Variants in LMNA observed in about 807,000 individuals in gnomAD.
The protein encoded by LMNA is lamin.
LMNA carries 20 observed loss-of-function variants against 70.4 expected under a neutral mutation model. The ratio of observed to expected loss-of-function variants is 0.28; its 90% CI spans 0.20 to 0.41. The LOEUF (loss-of-function observed/expected upper bound fraction) is 0.41. LMNA is among the 10% of genes least tolerant of loss of function. The probability of loss-of-function intolerance (pLI) is 1.00; values close to 1 mark genes in which losing one functional copy is unlikely to be tolerated. For missense variants in LMNA, 652 were observed against 917.2 expected (o/e 0.71, Z 3.73); for synonymous variants, 339 against 372.8 (o/e 0.91, Z 1.04).
At chr1:156,126,163 A>G (rs771030948) in intron 1 of LMNA, 2 of 1,518,286 alleles carry the variant, frequency 1.3e-6, no homozygotes, top group South Asian at 1.2e-5. Flanking sequence ...GGGCTGGGAG[A>G]CCCTCTGCTC....
intron 1 of LMNA, among the ~76,000 whole-genome samples, chr1:156,129,669 G>C (rs1650875807): frequency 6.6e-6 from 1 of 152,168 alleles, no homozygotes; most frequent in South Asian, 2.1e-4. Flanking sequence ...CATCTAGAAA[G>C]TTCTTGGGTT....
At chr1:156,096,246 T>C (rs2102794773) in intron 3 of LMNA, among the ~76,000 whole-genome samples, 1 of 152,300 alleles carries the variant, frequency 6.6e-6, no homozygotes, top group Non-Finnish European at 1.5e-5. Flanking sequence ...CACTTGCTTC[T>C]CCCTTTCTGA....
rs1290870123 is a variant in LMNA at position 156,139,506 on chromosome 1, T to C, written c.*400T>C. 1.0e-5 allele frequency: 14 copies of C among 1,335,228 alleles called. No homozygotes were observed. In the South Asian group the frequency reaches 2.0e-4, roughly 19 times the overall value. The allele number at this position is 1,335,228 out of a possible 1,614,324, so 82.7% of individuals were successfully genotyped here. Reference sequence around the variant, plus strand: ...CCCCCACCCCGGGGACCCTGTGACATGGTGCCTGAGAGGCAGGCATAGAGG... The same window carrying C: ...CCCCCACCCCGGGGACCCTGTGACACGGTGCCTGAGAGGCAGGCATAGAGG... On this transcript the variant is annotated 3_prime_UTR_variant, in exon 12 of 12. Coordinates refer to ENST00000368300, the MANE Select transcript of LMNA (RefSeq NM_170707.4).
intron 1 of LMNA, 96 bp from the exon 2 acceptor site, chr1:156,130,521 G>C: frequency 7.6e-7 from 1 of 1,324,448 alleles, no homozygotes; most frequent in South Asian, 1.2e-5. Context: ...TGCAGGCATA[G>C]CAGCGCCAGC....
intron 1 of LMNA, among the ~76,000 whole-genome samples, chr1:156,129,005 A>G (rs1650816189): frequency 6.6e-6 from 1 of 152,230 alleles, no homozygotes. Flanking sequence ...AGTCATGGAA[A>G]GTTGGGGCTG....
upstream of LMNA, among the ~76,000 whole-genome samples, chr1:156,110,415 C>T (rs1414462114): frequency 6.6e-6 from 1 of 152,188 alleles, no homozygotes; most frequent in African/African-American, 2.4e-5. Context: ...TCCAAGAAGC[C>T]CTCCTTCAAA....
In LMNA at chr1:156,136,218, C is replaced by T. The variant is rs58133342; in HGVS notation, c.1162C>T (p.Arg388Cys). The T allele has an allele frequency of 3.7e-6, 6 of 1,612,454 alleles. No individual in the cohort carries two copies. The highest frequency in any genetic ancestry group is 1.3e-5 in the African/African-American group (1 of 74,924). Residue 388 changes from arginine to cysteine, a missense_variant, in exon 7 of 12, where the codon CGC (arginine) becomes TGC (cysteine). Arg to Cys is a radical substitution (Grantham distance 180). Transcript: ENST00000368300. This position sits in a 1 kb window ranked among gnomAD's most constrained non-coding sequence, Gnocchi z 6.1. ...ACTTGGTCTCCCTCTCCCCAGGCTA[C>T]GCCTGTCCCCCAGCCCTACCTCGCA... ...KLLEGEEERL[R>C]LSPSPTSQRS...
At chr1:156,096,196 C>T (rs1200392851) in intron 3 of LMNA, among the ~76,000 whole-genome samples, 4 of 152,226 alleles carry the variant, frequency 2.6e-5, no homozygotes, top group African/African-American at 9.6e-5. Context: ...TCTGTCTACA[C>T]AGCCAGGGGC....
upstream of LMNA, among the ~76,000 whole-genome samples, chr1:156,111,363 C>T (rs560849849): frequency 1.4e-3 from 217 of 151,610 alleles, 3 homozygotes; most frequent in African/African-American, 4.6e-3. Flanking sequence ...GCAGGAGAAG[C>T]GCTTGAACCT....
At chr1:156,082,920 T>TCTCCGCTTCCCC (rs1177209341) in intron 1 of LMNA, 8 of 151,784 alleles carry the variant, frequency 5.3e-5, no homozygotes, top group African/African-American at 1.7e-4. Context: ...CCGCGCTCAC[T>TCTCCGCTTCCCC]CTCCGCTTCC....
At chr1:156,109,347 A>C (rs1649455091), upstream of LMNA, among the ~76,000 whole-genome samples, 1 of 152,142 alleles carries the variant, frequency 6.6e-6, no homozygotes, top group Non-Finnish European at 1.5e-5. Flanking sequence ...AAGGCCTATC[A>C]AGCAGCTGGA....
Position 156,128,129 on chromosome 1 carries a change from C to A in LMNA, c.357-2488C>A, listed in dbSNP as rs1236826568. Among the ~76,000 whole-genome samples the A allele has an allele frequency of 4.6e-5, 7 of 152,186 alleles. No individual in the cohort carries two copies. In the South Asian group the frequency reaches 8.3e-4, roughly 18 times the overall value. On this transcript the variant is annotated intron_variant, in intron 1 of 11. Coordinates refer to ENST00000368300, the MANE Select transcript of LMNA (RefSeq NM_170707.4). ...TTTCCTCAATTGCATAGGAATAGCACCTATCGCATAGGGTAGCTGTGAAGA... is the reference window on the plus strand; with the variant it reads ...TTTCCTCAATTGCATAGGAATAGCAACTATCGCATAGGGTAGCTGTGAAGA...
At chr1:156,093,185 C>T (rs1342130672) in intron 3 of LMNA, among the ~76,000 whole-genome samples, 2 of 152,066 alleles carry the variant, frequency 1.3e-5, no homozygotes, top group Non-Finnish European at 2.9e-5. Flanking sequence ...CCACCACTCC[C>T]AGCCCACATG....
Position 156,134,775 on chromosome 1 carries a change from G to T in LMNA, c.640-30G>T. 6.2e-7 allele frequency: 1 copy of T among 1,614,078 alleles called. No individual in the cohort carries two copies. Among genetic ancestry groups the T allele is most frequent in the South Asian group, 1.1e-5 (1 of 91,078 alleles). ...CTCCCAGGAACTAATTCTGATTTTG[G>T]TTTCTGTGTCCTTCCTCCAACCCTT... On this transcript the variant is annotated intron_variant, in intron 3 of 11. Transcript: ENST00000368300. The surrounding 1 kb of genome is among the most constrained non-coding windows in gnomAD (Gnocchi z 5.3).
At position 156,084,336 on chromosome 1, in the gene LMNA, G is replaced by A. The variant is rs200642479; in HGVS notation, c.-319+1152G>A. Among the ~76,000 whole-genome samples, 6 of 76,856 alleles carry A rather than the reference G, an allele frequency of 7.8e-5. 2 individuals are homozygous for A. Among genetic ancestry groups the A allele is most frequent in the African/African-American group, 5.3e-4 (6 of 11,406 alleles). 50.4% of individuals were successfully genotyped at this position (76,856 alleles called of 152,430 possible). On this transcript the variant is annotated intron_variant, in intron 2 of 12. Transcript: ENST00000368301. ...TGAGGATCTCAGAAGGTCGGGGGGT[G>A]GTGGGGGCAGTTGGCACACTGCAGG...
At chr1:156,096,728 G>GACTA (rs1240263063) in intron 3 of LMNA, among the ~76,000 whole-genome samples, 1 of 152,274 alleles carries the variant, frequency 6.6e-6, no homozygotes, top group Non-Finnish European at 1.5e-5. Context: ...TGCCACTCAG[G>GACTA]ACTAGCCTGG....
chr1:156,138,678 G>T lies in LMNA; in HGVS notation c.1889G>T (p.Gly630Val), dbSNP rs762077332. 1.2e-6 allele frequency: 2 copies of T among 1,613,734 alleles called. No homozygotes were observed. The highest frequency in any genetic ancestry group is 2.2e-5 in the South Asian group (2 of 91,072). ...GTCACTCGCAGCTACCGCAGTGTGG[G>T]GGGCAGTGGGGGTGGCAGCTTCGGG... ...VTVTRSYRSV[G>V]GSGGGSFGDN... The change falls in exon 11 of 12, where the codon GGG (glycine) becomes GTG (valine). Residue 630 changes from glycine (G) to valine (V), a missense_variant. Gly to Val is a moderately radical substitution (Grantham distance 109, BLOSUM62 -3). Around this residue, in one of 4 missense-constraint regions of LMNA, gnomAD observed 327 missense variants for 387.6 expected, o/e 0.84. Transcript: ENST00000368300. This position sits in a 1 kb window ranked among gnomAD's most constrained non-coding sequence, Gnocchi z 5.5.
intron 1 of LMNA, among the ~76,000 whole-genome samples, chr1:156,120,438 G>A (rs1188768873): frequency 6.6e-6 from 1 of 152,218 alleles, no homozygotes; most frequent in African/African-American, 2.4e-5. Context: ...TGACACCTTA[G>A]TGCTCTATGG....
rs562360304 is a variant in LMNA, at chr1:156,103,898, C to A, written c.-206-10815C>A. Among the ~76,000 whole-genome samples, 5 of 152,306 alleles carry A rather than the reference C, an allele frequency of 3.3e-5. No individual in the cohort carries two copies. Among genetic ancestry groups the A allele is most frequent in the South Asian group, 2.1e-4 (1 of 4,832 alleles). On this transcript the variant is annotated intron_variant, in intron 3 of 12. Coordinates refer to the LMNA transcript ENST00000368301. This position sits in a 1 kb window ranked among gnomAD's most constrained non-coding sequence, Gnocchi z 4.7. Reference sequence around the variant, plus strand: ...GCCCTGCTCCCCTGCCCTTTCGAAGCCTCTAGTGGAGTCACTCCTTTCCTT... The same window carrying A: ...GCCCTGCTCCCCTGCCCTTTCGAAGACTCTAGTGGAGTCACTCCTTTCCTT...
Sources: allele counts gnomAD v4.1 joint callset (sites outside exome capture counted in the v4.1 genomes callset), GRCh38; gene constraint gnomAD v4.1.1; regional missense constraint gnomAD v4.1.1; non-coding constraint Gnocchi (gnomAD v3.1); transcripts MANE v1.5; gene names NCBI Gene and HGNC (gene_info 2026-07-23, HGNC 2026-07-21).